Variants in ZC3H12B observed in about 807,000 individuals in gnomAD.
ZC3H12B encodes the protein zinc finger CCCH-type containing 12B, also known as probable ribonuclease ZC3H12B.
A neutral mutation model predicts 43.9 loss-of-function variants in ZC3H12B; 7 were observed. The observed-to-expected ratio is 0.16, with a 90% CI of 0.09 to 0.30. The LOEUF is 0.30. Among genes scored for constraint, ZC3H12B ranks in the 10% least tolerant of loss-of-function variants. ZC3H12B has a pLI of 1.00. For missense variants in ZC3H12B, 475 were observed against 670.2 expected (o/e 0.71, Z 3.22); for synonymous variants, 222 against 241.7 (o/e 0.92, Z 0.76).
chrX:65,342,730 C>G, the ZC3H12B span, among the ~76,000 whole-genome samples: 1 of 109,371 alleles, frequency 9.1e-6, no homozygotes, highest in Non-Finnish European at 1.9e-5. Context: ...AACAACCTAA[C>G]ATCACAACTA....
chrX:65,381,167 A>G (rs2066433366), intron 2 of ZC3H12B, among the ~76,000 whole-genome samples: 1 of 111,247 alleles, frequency 9.0e-6, no homozygotes, highest in Non-Finnish European at 1.9e-5. Flanking sequence ...TCAGCACCAC[A>G]CCACACCTAA....
chrX:65,306,800 A>G, the ZC3H12B span, among the ~76,000 whole-genome samples: 14 of 112,665 alleles, frequency 1.2e-4, no homozygotes, highest in African/African-American at 4.2e-4. Context: ...AGTGAATAAG[A>G]AAGGTGTTGT....
At chrX:65,216,198 CACA>C in the ZC3H12B span, among the ~76,000 whole-genome samples, 2 of 111,748 alleles carry the variant, frequency 1.8e-5, no homozygotes, top group African/African-American at 6.5e-5. Flanking sequence ...CTGGTTTCAA[CACA>C]ACAACAAGGA....
chrX:65,371,301 C>A lies in ZC3H12B; in HGVS notation n.295+2303C>A, dbSNP rs1052254649. Reference sequence around the variant, plus strand: ...TCTCATTTGAGTCTCATAATAATGACAATATTTTATTATTTATCTTTACAT... The same window carrying A: ...TCTCATTTGAGTCTCATAATAATGAAAATATTTTATTATTTATCTTTACAT... On this transcript the variant is annotated intron_variant and non_coding_transcript_variant, in intron 2 of 5. Transcript: ENST00000617377. Among the ~76,000 whole-genome samples the A allele has an allele frequency of 5.1e-4, 57 of 111,448 alleles. 1 individual carries two copies. The highest frequency in any genetic ancestry group is 1.6e-3 in the African/African-American group (48 of 30,722).
chrX:65,161,071 T>G, the ZC3H12B span, among the ~76,000 whole-genome samples: 38 of 111,232 alleles, frequency 3.4e-4, no homozygotes, highest in Admixed American at 1.5e-3. Flanking sequence ...TTGAGCAGTT[T>G]TTAGTGAGTT....
At chrX:65,175,876 C>T in the ZC3H12B span, among the ~76,000 whole-genome samples, 1 of 112,308 alleles carries the variant, frequency 8.9e-6, no homozygotes, top group Non-Finnish European at 1.9e-5. Context: ...TACGCTTTAC[C>T]CACAGTCTTT....
chrX:65,261,087 A>T, the ZC3H12B span, among the ~76,000 whole-genome samples: 1 of 112,111 alleles, frequency 8.9e-6, no homozygotes, highest in Non-Finnish European at 1.9e-5. Flanking sequence ...TAAATTCATT[A>T]AATCAAATTA....
the ZC3H12B span, among the ~76,000 whole-genome samples, chrX:65,053,233 A>G: frequency 6.3e-5 from 7 of 110,501 alleles, no homozygotes; most frequent in African/African-American, 2.3e-4. Context: ...CATTAGGTAT[A>G]TCTCCTAATG....
chrX:65,412,625 A>G (rs1242943528), intron 3 of ZC3H12B, among the ~76,000 whole-genome samples: 1 of 110,221 alleles, frequency 9.1e-6, no homozygotes. Context: ...ACACCACCAC[A>G]TCCAGCTAAT....
At chrX:65,275,336 T>A in the ZC3H12B span, among the ~76,000 whole-genome samples, 1 of 112,789 alleles carries the variant, frequency 8.9e-6, no homozygotes, top group African/African-American at 3.2e-5. Context: ...GTGCCAGAAC[T>A]GAGAAACAGC....
chrX:65,491,714 A>AATAT (rs758006424), intron 1 of ZC3H12B, among the ~76,000 whole-genome samples: 40 of 97,167 alleles, frequency 4.1e-4, no homozygotes, highest in South Asian at 1.4e-3. Flanking sequence ...TTAAAAAAAA[A>AATAT]ATATATATAT....
At chrX:65,352,478 A>G in the ZC3H12B span, among the ~76,000 whole-genome samples, 1 of 111,294 alleles carries the variant, frequency 9.0e-6, no homozygotes, top group African/African-American at 3.3e-5. Context: ...AAAAAAAAAA[A>G]AAGAAAAAGA....
the ZC3H12B span, among the ~76,000 whole-genome samples, chrX:65,168,912 TA>T: frequency 8.9e-6 from 1 of 111,839 alleles, no homozygotes; most frequent in Admixed American, 9.5e-5. Flanking sequence ...TTATTGCATC[TA>T]TTTGATTCTT....
the ZC3H12B span, among the ~76,000 whole-genome samples, chrX:65,349,579 G>A: frequency 9.0e-6 from 1 of 111,312 alleles, no homozygotes; most frequent in African/African-American, 3.3e-5. Flanking sequence ...TCCAGGAGCT[G>A]TTTTTTGAAA....
At chrX:65,094,842 G>A in the ZC3H12B span, among the ~76,000 whole-genome samples, 1 of 112,241 alleles carries the variant, frequency 8.9e-6, no homozygotes, top group African/African-American at 3.2e-5. Context: ...GAAGACATAT[G>A]GTGGTTGCCT....
chrX:65,501,781 T>C lies in ZC3H12B; in HGVS notation c.1091-8T>C. The C allele has an allele frequency of 8.8e-7, 1 of 1,141,722 alleles. No homozygotes were observed. Among genetic ancestry groups the C allele is most frequent in the South Asian group, 2.1e-5 (1 of 46,857 alleles). The allele number at this position is 1,141,722 out of a possible 1,213,427, so 94.1% of individuals were successfully genotyped here. On this transcript the variant is annotated splice_region_variant and splice_polypyrimidine_tract_variant and intron_variant, in intron 4 of 4. Coordinates refer to ENST00000338957, the Ensembl canonical transcript of ZC3H12B. The stretch of plus-strand genomic sequence containing the variant: ...GAGAGAGTCTTACCCCAAGGCATTA[T>C]TTTTCAGGCAAAAAATGCACCTACG...
At chrX:65,502,207 G>A (rs1569427206) in exon 5 of ZC3H12B, 1 of 1,211,399 alleles carries the variant, frequency 8.3e-7, no homozygotes, top group Non-Finnish European at 1.1e-6. Context: ...TCCCCCACCA[G>A]AAGGCCTCTT....
chrX:65,233,619 A>T, the ZC3H12B span, among the ~76,000 whole-genome samples: 1 of 111,052 alleles, frequency 9.0e-6, no homozygotes, highest in Admixed American at 9.6e-5. Context: ...ACGGACATTT[A>T]TAACAATAAA....
chrX:65,263,123 A>G, the ZC3H12B span, among the ~76,000 whole-genome samples: 254 of 111,326 alleles, frequency 2.3e-3, 2 homozygotes, highest in African/African-American at 7.7e-3. Flanking sequence ...TAAGACTTTT[A>G]TGTGCCTAAA....
Sources: allele counts gnomAD v4.1 joint callset (sites outside exome capture counted in the v4.1 genomes callset), GRCh38; gene constraint gnomAD v4.1.1; transcripts MANE v1.5; gene names NCBI Gene and HGNC (gene_info 2026-07-23, HGNC 2026-07-21).